EYA1: variants seen among roughly 807,000 people sequenced by gnomAD.
EYA1 encodes EYA transcriptional coactivator and phosphatase 1, also known as protein phosphatase EYA1.
EYA1 carries 16 observed loss-of-function variants against 82.0 expected under a neutral mutation model. The ratio of observed to expected loss-of-function variants is 0.20; its 90% CI spans 0.13 to 0.30. The LOEUF (loss-of-function observed/expected upper bound fraction) is 0.30. Among genes scored for constraint, EYA1 ranks in the 10% least tolerant of loss-of-function variants. The pLI is 1.00. For synonymous variants in EYA1, 261 were observed against 264.4 expected (o/e 0.99, Z 0.12); for missense variants, 633 against 730.7 (o/e 0.87, Z 1.54).
intron 12 of EYA1, among the ~76,000 whole-genome samples, chr8:71,232,963 C>T (rs916298974): frequency 6.6e-6 from 1 of 152,094 alleles, no homozygotes; most frequent in Non-Finnish European, 1.5e-5. Flanking sequence ...CACACTGACC[C>T]GATGAGGTAT....
chr8:71,287,927 G>T (rs1818564039), intron 9 of EYA1, among the ~76,000 whole-genome samples: 1 of 152,170 alleles, frequency 6.6e-6, no homozygotes, highest in Non-Finnish European at 1.5e-5. Context: ...CTATACACAA[G>T]AGTGGTATTA....
intron 3 of EYA1, among the ~76,000 whole-genome samples, chr8:71,352,886 C>A (rs1826443525): frequency 6.6e-6 from 1 of 152,210 alleles, no homozygotes; most frequent in South Asian, 2.1e-4. Context: ...CCTAAACACA[C>A]ACTCTGTTTC....
At chr8:71,496,906 T>C (rs1348363381) in intron 2 of EYA1, among the ~76,000 whole-genome samples, 1 of 97,998 alleles carries the variant, frequency 1.0e-5, no homozygotes, top group Non-Finnish European at 1.8e-5. Context: ...CATGGTAAAC[T>C]GTCTAAGAAA....
At chr8:71,400,725 T>G (rs1829910732) in intron 2 of EYA1, among the ~76,000 whole-genome samples, 1 of 152,234 alleles carries the variant, frequency 6.6e-6, no homozygotes, top group African/African-American at 2.4e-5. Context: ...GAAGACAGTG[T>G]GGCAATTCCT....
chr8:71,260,277 T>C (rs894704330), intron 11 of EYA1, among the ~76,000 whole-genome samples: 8 of 152,228 alleles, frequency 5.3e-5, no homozygotes, highest in African/African-American at 1.9e-4. Context: ...AATGGCTAAG[T>C]CATTGTTCCA....
At chr8:71,377,689 T>C (rs1313962455) in intron 2 of EYA1, among the ~76,000 whole-genome samples, 2 of 152,154 alleles carry the variant, frequency 1.3e-5, no homozygotes, top group Non-Finnish European at 2.9e-5. Context: ...TCCACATAAT[T>C]TTTTCATCTT....
intron 11 of EYA1, among the ~76,000 whole-genome samples, chr8:71,257,117 C>G (rs1814534598): frequency 6.6e-6 from 1 of 151,738 alleles, no homozygotes; most frequent in Non-Finnish European, 1.5e-5. Flanking sequence ...CTATTTATTA[C>G]TTCTATTCTA....
intron 3 of EYA1, among the ~76,000 whole-genome samples, chr8:71,340,780 AT>A (rs1022712326): frequency 6.6e-6 from 1 of 151,036 alleles, no homozygotes; most frequent in Non-Finnish European, 1.5e-5. Context: ...ACTCAGCTAC[AT>A]TTTTTTTTAA....
chr8:71,208,088 C>T (rs1808040722), intron 17 of EYA1, among the ~76,000 whole-genome samples: 1 of 152,162 alleles, frequency 6.6e-6, no homozygotes, highest in African/African-American at 2.4e-5. Context: ...CATTTAGGAA[C>T]TGTCTATAGA....
chr8:71,436,162 T>C (rs1445418470), intron 2 of EYA1, among the ~76,000 whole-genome samples: 2 of 152,084 alleles, frequency 1.3e-5, no homozygotes, highest in African/African-American at 4.8e-5. Context: ...TCTTAAATGA[T>C]ATGACATAAT....
chr8:71,384,712 T>C (rs1427024814), intron 2 of EYA1, among the ~76,000 whole-genome samples: 1 of 152,234 alleles, frequency 6.6e-6, no homozygotes, highest in Admixed American at 6.5e-5. Flanking sequence ...TTTCTACTAG[T>C]ATTATTCTTT....
intron 2 of EYA1, among the ~76,000 whole-genome samples, chr8:71,474,332 C>T (rs529209038): frequency 2.6e-5 from 4 of 152,000 alleles, no homozygotes; most frequent in Non-Finnish European, 4.4e-5. Flanking sequence ...TCCAGATGAG[C>T]ACACAACCCT....
chr8:71,244,845 C>T (rs1812885750), intron 11 of EYA1, among the ~76,000 whole-genome samples, 153 bp from the exon 12 acceptor site: 1 of 152,200 alleles, frequency 6.6e-6, no homozygotes, highest in Non-Finnish European at 1.5e-5. Context: ...GTGTGCATGA[C>T]TTATTCTGTG....
chr8:71,283,020 C>A (rs1420416211), intron 9 of EYA1, among the ~76,000 whole-genome samples: 1 of 151,048 alleles, frequency 6.6e-6, no homozygotes, highest in East Asian at 2.0e-4. Flanking sequence ...GAAATCATGC[C>A]ATGCTTCTGC....
intron 2 of EYA1, among the ~76,000 whole-genome samples, chr8:71,518,879 T>C (rs1046500506): frequency 6.6e-6 from 1 of 152,162 alleles, no homozygotes; most frequent in Non-Finnish European, 1.5e-5. Context: ...GTTCATAAAA[T>C]CAGCTAGTAT....
intron 2 of EYA1, among the ~76,000 whole-genome samples, chr8:71,430,353 G>A (rs2129159842): frequency 6.6e-6 from 1 of 152,254 alleles, no homozygotes; most frequent in African/African-American, 2.4e-5. Flanking sequence ...ACTACCCAGA[G>A]TCACACACAG....
intron 2 of EYA1, chr8:71,403,336 T>C (rs941174015): frequency 2.3e-4 from 35 of 152,074 alleles, no homozygotes; most frequent in African/African-American, 8.0e-4. Context: ...ACCTAAGAAA[T>C]TGACACACAT....
chr8:71,292,559 T>C (rs1353561044), intron 9 of EYA1, among the ~76,000 whole-genome samples: 1 of 152,034 alleles, frequency 6.6e-6, no homozygotes, highest in African/African-American at 2.4e-5. Context: ...TATCTTCTAA[T>C]AAGAGAAAGC....
At chr8:71,208,295 C>T (rs564987432) in intron 17 of EYA1, among the ~76,000 whole-genome samples, 7 of 151,736 alleles carry the variant, frequency 4.6e-5, no homozygotes, top group Non-Finnish European at 8.8e-5. Flanking sequence ...AGCCAGGCAT[C>T]GTGGCACATG....
Sources: allele counts gnomAD v4.1 joint callset (sites outside exome capture counted in the v4.1 genomes callset), GRCh38; gene constraint gnomAD v4.1.1; transcripts MANE v1.5; gene names NCBI Gene and HGNC (gene_info 2026-07-23, HGNC 2026-07-21).